The following CACNG4 variants were observed in gnomAD, a reference collection of about 807,000 sequenced individuals.
CACNG4 encodes voltage-dependent calcium channel gamma-4 subunit.
A neutral mutation model predicts 22.9 loss-of-function variants in CACNG4; 8 were observed. That is an observed-to-expected ratio of 0.35 (90% confidence interval 0.21 to 0.63). The LOEUF is 0.63. Ranked by LOEUF, CACNG4 falls within the 30% of genes least tolerant of loss-of-function variation. The pLI is 0.72. For missense variants in CACNG4, 357 were observed against 455.4 expected (o/e 0.78, Z 1.97); for synonymous variants, 188 against 191.9 (o/e 0.98, Z 0.17).
At chr17:66,986,947 A>G (rs935032321) in intron 1 of CACNG4, among the ~76,000 whole-genome samples, 1 of 152,240 alleles carries the variant, frequency 6.6e-6, no homozygotes, top group Non-Finnish European at 1.5e-5. Context: ...TAGGACTTAC[A>G]TGAATGGATT....
At chr17:67,019,561 G>C (rs546949223) in intron 2 of CACNG4, among the ~76,000 whole-genome samples, 1 of 152,336 alleles carries the variant, frequency 6.6e-6, no homozygotes, top group Admixed American at 6.5e-5. Flanking sequence ...AGAGGCCCTT[G>C]GTGCTCAGCC....
intron 1 of CACNG4, among the ~76,000 whole-genome samples, chr17:66,969,072 C>T (rs1042730152): frequency 6.6e-6 from 1 of 152,186 alleles, no homozygotes; most frequent in Admixed American, 6.5e-5. Flanking sequence ...CACCAACCAA[C>T]ATTTGTTCAA....
At chr17:66,971,534 G>A (rs2035204794) in intron 1 of CACNG4, among the ~76,000 whole-genome samples, 1 of 152,144 alleles carries the variant, frequency 6.6e-6, no homozygotes, top group Non-Finnish European at 1.5e-5. Flanking sequence ...ATACTCCTAT[G>A]TATGAGGCAG....
At chr17:67,006,877 A>C (rs2035441114) in intron 1 of CACNG4, among the ~76,000 whole-genome samples, 1 of 152,176 alleles carries the variant, frequency 6.6e-6, no homozygotes, top group African/African-American at 2.4e-5. Context: ...ACTTTAAGCT[A>C]TCAAAGAAGA....
rs1204377096 is a variant in CACNG4 at position 67,030,453 on chromosome 17, G to T, written c.446-13G>T. On this transcript the variant is annotated splice_polypyrimidine_tract_variant and intron_variant, in intron 3 of 3. Coordinates refer to ENST00000262138, the MANE Select transcript of CACNG4 (RefSeq NM_014405.4). This position sits in a 1 kb window ranked among gnomAD's most constrained non-coding sequence, Gnocchi z 6.4. ...TCCCTGGCCCCGCTCCCCGCTCCCC[G>T]CTTCCCTTTCAGGCCTCAGTAACAT... 1.2e-6 allele frequency: 2 copies of T among 1,610,624 alleles called. No individual in the cohort carries two copies. The highest frequency in any genetic ancestry group is 2.2e-5 in the South Asian group (2 of 90,882).
At chr17:66,970,168 C>T (rs532343871) in intron 1 of CACNG4, among the ~76,000 whole-genome samples, 1 of 152,206 alleles carries the variant, frequency 6.6e-6, no homozygotes, top group Non-Finnish European at 1.5e-5. Flanking sequence ...AGGCTTAAGA[C>T]GTGCACAGCT....
chr17:67,021,120 G>T (rs1240722293), intron 2 of CACNG4, among the ~76,000 whole-genome samples: 1 of 152,134 alleles, frequency 6.6e-6, no homozygotes, highest in Non-Finnish European at 1.5e-5. Flanking sequence ...CGGATCATTT[G>T]AGCCGAGGAA....
In CACNG4 at chr17:67,030,924, C is replaced by T; in HGVS notation, c.904C>T (p.Gln302Ter). The change falls in exon 4 of 4, where the codon CAG becomes TAG. Residue 302 changes from glutamine (Q) to a stop codon, truncating the protein, a stop_gained. Transcript: ENST00000262138. LOFTEE classifies it low-confidence loss of function (END_TRUNC). The surrounding 1 kb of genome is among the most constrained non-coding windows in gnomAD (Gnocchi z 6.4). ...YSPDQEASFL[Q>*]VHDFFQQDLK... ...CCCCGACCAGGAGGCCAGCTTCCTGCAGGTGCATGACTTTTTCCAGCAGGA... is the reference window on the plus strand; with the variant it reads ...CCCCGACCAGGAGGCCAGCTTCCTGTAGGTGCATGACTTTTTCCAGCAGGA... 1 of 1,613,434 alleles carries T rather than the reference C, an allele frequency of 6.2e-7. No homozygotes were observed. The highest frequency in any genetic ancestry group is 8.5e-7 in the Non-Finnish European group (1 of 1,180,018).
intron 1 of CACNG4, among the ~76,000 whole-genome samples, chr17:67,003,542 C>T (rs1158241918): frequency 6.6e-6 from 1 of 152,116 alleles, no homozygotes; most frequent in Non-Finnish European, 1.5e-5. Flanking sequence ...ATTTATTCAT[C>T]ACCAACCACT....
intron 1 of CACNG4, among the ~76,000 whole-genome samples, chr17:67,000,870 G>A (rs963973152): frequency 4.6e-5 from 7 of 152,136 alleles, no homozygotes; most frequent in Non-Finnish European, 8.8e-5. Context: ...TGGCCTCCCT[G>A]CCTCCACTCT....
At chr17:66,981,664 C>T (rs1823026338) in intron 1 of CACNG4, among the ~76,000 whole-genome samples, 1 of 152,194 alleles carries the variant, frequency 6.6e-6, no homozygotes, top group Non-Finnish European at 1.5e-5. Flanking sequence ...GCGAGCCCGG[C>T]AAGGTCCCCT....
At chr17:66,965,738 T>TCGGAGC (rs1302077951) in intron 1 of CACNG4, among the ~76,000 whole-genome samples, 1 of 145,810 alleles carries the variant, frequency 6.9e-6, no homozygotes, top group East Asian at 2.1e-4. Context: ...GGGGGCGCGG[T>TCGGAGC]CGGAGCCGGG....
intron 1 of CACNG4, among the ~76,000 whole-genome samples, chr17:66,971,631 G>T (rs1276982894): frequency 1.3e-5 from 2 of 152,126 alleles, no homozygotes; most frequent in East Asian, 3.9e-4. Flanking sequence ...GCTGTTGGCT[G>T]GTCAAGGGGA....
rs946757898 is a variant in CACNG4 at position 67,030,875 on chromosome 17, G to A, written c.855G>A (p.Lys285=). ...SMYTLSREPL[K]VTTAASYSPD... ...ACACGCTGTCCAGGGAGCCCCTCAA[G>A]GTGACCACCGCAGCCAGCTACAGCC... Residue 285 remains lysine, a synonymous_variant, in exon 4 of 4, where the codon AAG becomes AAA. Coordinates refer to ENST00000262138, the MANE Select transcript of CACNG4 (RefSeq NM_014405.4). The surrounding 1 kb of genome is among the most constrained non-coding windows in gnomAD (Gnocchi z 6.4). The A allele has an allele frequency of 6.2e-7, 1 of 1,612,736 alleles. No individual in the cohort carries two copies. Among genetic ancestry groups the A allele is most frequent in the Admixed American group, 1.7e-5 (1 of 60,002 alleles).
chr17:67,009,972 C>T (rs2035459696), intron 1 of CACNG4, among the ~76,000 whole-genome samples: 1 of 152,056 alleles, frequency 6.6e-6, no homozygotes, highest in Non-Finnish European at 1.5e-5. Flanking sequence ...CATGCAAGAC[C>T]CCACCCCCAT....
At position 66,972,131 on chromosome 17, in the gene CACNG4, C is replaced by A. The variant is rs566264831; in HGVS notation, c.220+7000C>A. Among the ~76,000 whole-genome samples, 8 of 152,140 alleles carry A rather than the reference C, an allele frequency of 5.3e-5. No individual in the cohort carries two copies. The South Asian group carries it at 1.7e-3, about 32-fold the overall frequency. ...AGCCGGCCAGGCGACAGCACCATGG[C>A]CAAGTAGGGAAAGACAGAAGAAGGA... On this transcript the variant is annotated intron_variant, in intron 1 of 3. Transcript: ENST00000262138.
intron 1 of CACNG4, among the ~76,000 whole-genome samples, chr17:66,972,005 C>G (rs1365865088): frequency 6.6e-6 from 1 of 152,040 alleles, no homozygotes; most frequent in East Asian, 1.9e-4. Context: ...AGACTGGAGA[C>G]CTGGGGCTAC....
In CACNG4 at chr17:67,031,804, G is replaced by A. The variant is rs1200762443; in HGVS notation, c.*800G>A. The stretch of plus-strand genomic sequence containing the variant: ...GGGTTCCATCGGTCAGGGGAATGGC[G>A]GCCACGTGACCTCTTGCCGTGCCCC... On this transcript the variant is annotated 3_prime_UTR_variant, in exon 4 of 4. Coordinates refer to ENST00000262138, the MANE Select transcript of CACNG4 (RefSeq NM_014405.4). The surrounding 1 kb of genome is among the most constrained non-coding windows in gnomAD (Gnocchi z 4.0). 2.8e-5 allele frequency: 13 copies of A among 456,558 alleles called. No homozygotes were observed. The highest frequency in any genetic ancestry group is 1.0e-4 in the African/African-American group (5 of 50,064). 28.3% of individuals were successfully genotyped at this position (456,558 alleles called of 1,614,324 possible).
Position 67,032,964 on chromosome 17 carries a change from TC to T in CACNG4, c.*1963del, listed in dbSNP as rs1246240198. The T allele has an allele frequency of 3.9e-5, 6 of 152,962 alleles. No homozygotes were observed. Among genetic ancestry groups the T allele is most frequent in the Non-Finnish European group, 7.3e-5 (5 of 68,226 alleles). 9.5% of individuals were successfully genotyped at this position (152,962 alleles called of 1,614,324 possible). On this transcript the variant is annotated 3_prime_UTR_variant, in exon 4 of 4. Coordinates refer to ENST00000262138, the MANE Select transcript of CACNG4 (RefSeq NM_014405.4). The stretch of plus-strand genomic sequence containing the variant: ...GTTCCTCTCCATCCGCCACCTCCCC[TC>T]CCGCTGCCCCAGAAGTTTCTATCAT...
Sources: allele counts gnomAD v4.1 joint callset (sites outside exome capture counted in the v4.1 genomes callset), GRCh38; gene constraint gnomAD v4.1.1; non-coding constraint Gnocchi (gnomAD v3.1); transcripts MANE v1.5; gene names NCBI Gene and HGNC (gene_info 2026-07-23, HGNC 2026-07-21).